The following PAOX variants were observed in gnomAD, a reference collection of about 807,000 sequenced individuals.
PAOX encodes the protein polyamine oxidase, also known as peroxisomal N(1)-acetyl-spermine/spermidine oxidase.
PAOX carries 38 observed loss-of-function variants against 39.0 expected under a neutral mutation model. The ratio of observed to expected loss-of-function variants is 0.97; its 90% CI spans 0.75 to 1.28. The LOEUF (loss-of-function observed/expected upper bound fraction) is 1.28, where lower values mean the gene tolerates loss of function less well. Ranked by LOEUF, PAOX falls within the 50% of genes most tolerant of loss-of-function variation. PAOX has a pLI of 0.00. For missense variants in PAOX, 667 were observed against 685.7 expected (o/e 0.97, Z 0.30); for synonymous variants, 311 against 314.4 (o/e 0.99, Z 0.11).
chr10:133,389,397 G>C (rs2153817), intron 5 of PAOX, among the ~76,000 whole-genome samples, 193 bp from the exon 6 acceptor site: 104,361 of 152,116 alleles, frequency 0.69, 36,733 homozygotes, highest in East Asian at 0.93. Flanking sequence ...CGGGTCAGAG[G>C]CCCCCGGGTC....
chr10:133,386,254 G>T (rs1017689862), intron 4 of PAOX, among the ~76,000 whole-genome samples: 7 of 150,826 alleles, frequency 4.6e-5, no homozygotes, highest in Non-Finnish European at 8.9e-5. Context: ...CGAACTCCTG[G>T]CCTCAAGTGA....
chr10:133,391,226 T>G lies in PAOX; in HGVS notation c.1393-86T>G, dbSNP rs1020628377. On this transcript the variant is annotated intron_variant, in intron 6 of 6. Coordinates refer to ENST00000278060, the MANE Select transcript of PAOX (RefSeq NM_152911.4). ...AGCTGTTTTCCTGCTTCTTGGTGGA[T>G]GCTTGTGAGCCATTTTCTGTGTTTC... 1.3e-5 allele frequency: 18 copies of G among 1,368,228 alleles called. No homozygotes were observed. The Admixed American group carries it at 3.0e-4, about 23-fold the overall frequency. The allele number at this position is 1,368,228 out of a possible 1,614,324, so 84.8% of individuals were successfully genotyped here.
intron 4 of PAOX, among the ~76,000 whole-genome samples, chr10:133,387,876 A>G (rs1849569050): frequency 1.3e-5 from 2 of 152,176 alleles, no homozygotes; most frequent in Admixed American, 6.5e-5. Context: ...GCCCGCCACC[A>G]CGCCTGGCTA....
chr10:133,385,619 T>C (rs1849508757), intron 4 of PAOX, among the ~76,000 whole-genome samples: 1 of 152,206 alleles, frequency 6.6e-6, no homozygotes, highest in Admixed American at 6.5e-5. Context: ...AGTCTCGCTC[T>C]GTCCCCCAGA....
At chr10:133,389,205 T>C in intron 5 of PAOX, 137 bp downstream of exon 5, 3 of 728,498 alleles carry the variant, frequency 4.1e-6, no homozygotes, top group Non-Finnish European at 7.3e-6. Context: ...TCCTTCCTCA[T>C]GTTAGTGGGG....
rs183219268 is a variant in PAOX at position 133,390,839 on chromosome 10, C to T, written c.1393-473C>T. On this transcript the variant is annotated intron_variant, in intron 6 of 6. Transcript: ENST00000278060. ...CTCCCAGATCCCTCCCCCACCCTCCCCATATGTGATCCAGGAGTTGAGGCC... is the reference window on the plus strand; with the variant it reads ...CTCCCAGATCCCTCCCCCACCCTCCTCATATGTGATCCAGGAGTTGAGGCC... 8.7e-6 allele frequency: 5 copies of T among 571,902 alleles called. No individual in the cohort carries two copies. In the Admixed American group the frequency reaches 1.0e-4, roughly 12 times the overall value. The allele number at this position is 571,902 out of a possible 1,614,324, so 35.4% of individuals were successfully genotyped here.
chr10:133,389,993 G>A (rs1343327646), intron 6 of PAOX, among the ~76,000 whole-genome samples: 2 of 152,208 alleles, frequency 1.3e-5, no homozygotes, highest in Non-Finnish European at 2.9e-5. Flanking sequence ...ATGGCAGGTG[G>A]AGCCCCTTTT....
chr10:133,385,167 G>C (rs556233344), intron 4 of PAOX, among the ~76,000 whole-genome samples: 94 of 152,176 alleles, frequency 6.2e-4, no homozygotes, highest in African/African-American at 2.2e-3. Context: ...GTGGTGGCAC[G>C]CACCTGTAAT....
Position 133,380,229 on chromosome 10 carries a change from A to G in PAOX, c.412A>G (p.Ile138Val), listed in dbSNP as rs2133455756. 6 of 1,612,876 alleles carry G rather than the reference A, an allele frequency of 3.7e-6. No homozygotes were observed. In the East Asian group the frequency reaches 1.3e-4, roughly 36 times the overall value. Residue 138 changes from isoleucine to valine, a missense_variant, in exon 2 of 7, where the codon ATA becomes GTA. Transcript: ENST00000278060. ...GATGGCGACTCTGTTCTACGGCCTG[A>G]TAGACCAGACCCGGGAGTTCCTGCA... ...AEMATLFYGL[I>V]DQTREFLHAA... is the part of the protein sequence containing the mutation.
rs779871003 is a variant in PAOX, at chr10:133,389,599, G to A, written c.1244G>A (p.Arg415Gln). 5 of 1,613,798 alleles carry A rather than the reference G, an allele frequency of 3.1e-6. No individual in the cohort carries two copies. The highest frequency in any genetic ancestry group is 2.2e-5 in the East Asian group (1 of 44,880). The stretch of plus-strand genomic sequence containing the variant: ...TGTCTCTGTGGCTCAGGAAACCCAC[G>A]GCTCCCCGCGCCCAAGAGCGTCCTG... ...QVLRRVTGNP[R>Q]LPAPKSVLRS... The change falls in exon 6 of 7, where the codon CGG becomes CAG. Residue 415 changes from arginine to glutamine, a missense_variant. Coordinates refer to ENST00000278060, the MANE Select transcript of PAOX (RefSeq NM_152911.4).
At chr10:133,387,664 G>A (rs764251118) in intron 4 of PAOX, among the ~76,000 whole-genome samples, 6 of 152,208 alleles carry the variant, frequency 3.9e-5, no homozygotes, top group Non-Finnish European at 1.5e-5. Context: ...AGTCCTCCAC[G>A]GCCACCGTGC....
At chr10:133,390,438 A>T (rs889556603) in intron 6 of PAOX, among the ~76,000 whole-genome samples, 1 of 150,994 alleles carries the variant, frequency 6.6e-6, no homozygotes, top group South Asian at 2.1e-4. Flanking sequence ...ACACACACAC[A>T]CACACACAAG....
In PAOX at chr10:133,391,329, G is replaced by A. The variant is rs138148003; in HGVS notation, c.1410G>A (p.Ala470=). 22 of 1,613,220 alleles carry A rather than the reference G, an allele frequency of 1.4e-5. No individual in the cohort carries two copies. Among genetic ancestry groups the A allele is most frequent in the Admixed American group, 8.3e-5 (5 of 59,982 alleles). The change falls in exon 7 of 7, where the codon GCG becomes GCA. Residue 470 remains alanine, a synonymous_variant. Coordinates refer to ENST00000278060, the MANE Select transcript of PAOX (RefSeq NM_152911.4). ...CTTTGCAGCTCCAGATCCTGTTTGC[G>A]GGGGAAGCCACACATCGCACGTTTT... The part of the protein sequence containing the change: ...GAGAQLQILF[A]GEATHRTFYS...
intron 5 of PAOX, 39 bp from the exon 6 acceptor site, chr10:133,389,551 G>A (rs766504035): frequency 6.2e-7 from 1 of 1,613,100 alleles, no homozygotes; most frequent in South Asian, 1.1e-5. Flanking sequence ...ACCTGTGGGT[G>A]AGAGTTCTCG....
Position 133,380,079 on chromosome 10 carries a change from G to C in PAOX, c.262G>C (p.Gly88Arg), listed in dbSNP as rs752656880. 6.2e-5 allele frequency: 96 copies of C among 1,546,936 alleles called. No homozygotes were observed. The highest frequency in any genetic ancestry group is 7.9e-5 in the Non-Finnish European group (91 of 1,148,022). Residue 88 changes from glycine (G) to arginine (R), a missense_variant, in exon 2 of 7, where the codon GGG becomes CGG. Gly to Arg is a moderately radical substitution (Grantham distance 125). Transcript: ENST00000278060. ...CGTCTTCCAGCTGGCTGCTGAGTACGGGCTGCTGGGGGAGAAGGAGCTGTC... is the reference window on the plus strand; with the variant it reads ...CGTCTTCCAGCTGGCTGCTGAGTACCGGCTGCTGGGGGAGAAGGAGCTGTC... ...NPVFQLAAEY[G>R]LLGEKELSQE...
chr10:133,389,648 G>A lies in PAOX; in HGVS notation c.1293G>A (p.Pro431=), dbSNP rs1009117891. 17 of 1,613,206 alleles carry A rather than the reference G, an allele frequency of 1.1e-5. No individual in the cohort carries two copies. The highest frequency in any genetic ancestry group is 1.6e-4 in the Middle Eastern group (1 of 6,076). Residue 431 remains proline (P), a synonymous_variant, in exon 6 of 7, where the codon CCG becomes CCA. Transcript: ENST00000278060. ...SVLRSRWHSA[P]YTRGSYSYVA... ...TGCGGTCTCGCTGGCACAGCGCCCC[G>A]TACACTAGGGGGTCCTACAGCTACG... is the stretch of plus-strand genomic sequence containing the variant.
chr10:133,379,506 C>A lies in PAOX; in HGVS notation c.181+9C>A. ...CTCGGAGCGCTGCTTCGGTAACCGC[C>A]CCTCCCGGAGCCCCTCCCGGAACCC... On this transcript the variant is annotated intron_variant, in intron 1 of 6. Transcript: ENST00000278060. 1 of 1,225,642 alleles carries A rather than the reference C, an allele frequency of 8.2e-7. No individual in the cohort carries two copies. The highest frequency in any genetic ancestry group is 4.1e-5 in the South Asian group (1 of 24,106). The allele number at this position is 1,225,642 out of a possible 1,614,324, so 75.9% of individuals were successfully genotyped here.
intron 4 of PAOX, among the ~76,000 whole-genome samples, chr10:133,387,050 G>A (rs1849548754): frequency 6.6e-6 from 1 of 152,226 alleles, no homozygotes; most frequent in African/African-American, 2.4e-5. Context: ...AGGCCAAGGT[G>A]TGCAGATGGC....
In PAOX at chr10:133,391,584, G is replaced by A. The variant is rs997472110; in HGVS notation, c.*129G>A. ...GGTCCTCTGGTTTTTGGTAACCAGG[G>A]CCACCTTCTCAGTTCTTGTGTCTGT... On this transcript the variant is annotated 3_prime_UTR_variant, in exon 7 of 7. Coordinates refer to ENST00000278060, the MANE Select transcript of PAOX (RefSeq NM_152911.4). 4 of 1,348,730 alleles carry A rather than the reference G, an allele frequency of 3.0e-6. No individual in the cohort carries two copies. Among genetic ancestry groups the A allele is most frequent in the Admixed American group, 5.7e-5 (2 of 35,066 alleles). 83.5% of individuals were successfully genotyped at this position (1,348,730 alleles called of 1,614,324 possible).
Sources: gnomAD v4.1 joint callset for allele counts (sites outside exome capture counted in the v4.1 genomes callset) on GRCh38, gnomAD v4.1.1 for gene constraint, MANE v1.5 for transcripts, NCBI Gene and HGNC (gene_info 2026-07-23, HGNC 2026-07-21) for gene names.